FEM1C: variants seen among roughly 807,000 people sequenced by gnomAD.
The protein encoded by FEM1C is protein fem-1 homolog C.
FEM1C carries 15 observed loss-of-function variants against 37.6 expected under a neutral mutation model. That is an observed-to-expected ratio of 0.40 (90% CI 0.27 to 0.61). FEM1C has a LOEUF of 0.61. FEM1C is among the 20% of genes least tolerant of loss of function. FEM1C has a pLI of 0.42. For synonymous variants in FEM1C, 287 were observed against 272.8 expected (o/e 1.05, Z -0.51); for missense variants, 532 against 749.7 (o/e 0.71, Z 3.39).
Position 115,521,045 on chromosome 5 carries a change from G to A in FEM1C, c.*3263C>T. 1 of 147,724 alleles carries A rather than the reference G, an allele frequency of 6.8e-6. No individual in the cohort carries two copies. 9.2% of individuals were successfully genotyped at this position (147,724 alleles called of 1,614,324 possible). ...ATACACAATGGGAACTGACAAAAGGGAGAGAAACTAGTTGTTTAGTGACAC... is the reference window on the plus strand; with the variant it reads ...ATACACAATGGGAACTGACAAAAGGAAGAGAAACTAGTTGTTTAGTGACAC... On this transcript the variant is annotated 3_prime_UTR_variant, in exon 3 of 3. Coordinates refer to ENST00000274457, the MANE Select transcript of FEM1C (RefSeq NM_020177.3).
chr5:115,524,875 AGTTT>A lies in FEM1C; in HGVS notation c.1283_1286del (p.Gln428LeufsTer10), dbSNP rs755455847. On this transcript the variant is annotated frameshift_variant, in exon 3 of 3. Coordinates refer to ENST00000274457, the MANE Select transcript of FEM1C (RefSeq NM_020177.3). LOFTEE classifies it high-confidence loss of function. ...ACTGTAATGGGTCAGCTGGACACTGAGTTTGTTTGATAGCTCGCTCTATTTCAAG... is the reference window on the plus strand; with the variant it reads ...ACTGTAATGGGTCAGCTGGACACTGAGTTTGATAGCTCGCTCTATTTCAAG... 2 of 1,613,724 alleles carry A rather than the reference AGTTT, an allele frequency of 1.2e-6. No homozygotes were observed. The highest frequency in any genetic ancestry group is 2.2e-5 in the East Asian group (1 of 44,858).
At chr5:115,537,382 A>G (rs1754150974) in intron 2 of FEM1C, among the ~76,000 whole-genome samples, 2 of 152,080 alleles carry the variant, frequency 1.3e-5, no homozygotes, top group Non-Finnish European at 1.5e-5. Flanking sequence ...TGCCACGAAC[A>G]ATATGAACAG....
In FEM1C at chr5:115,524,532, T is replaced by C. The variant is rs751269380; in HGVS notation, c.1630A>G (p.Met544Val). ...IAALNNHPDI[M>V]NLLIKSGAHF... ...GCACCTGATTTAATAAGGAGATTCA[T>C]GATGTCTGGATGGTTGTTAAGAGCA... The change falls in exon 3 of 3, where the codon ATG (methionine) becomes GTG (valine). Residue 544 changes from methionine (M) to valine (V), a missense_variant. Met to Val is a conservative substitution (Grantham distance 21). Transcript: ENST00000274457. 8.1e-6 allele frequency: 13 copies of C among 1,613,432 alleles called. No individual in the cohort carries two copies. The highest frequency in any genetic ancestry group is 1.7e-5 in the Admixed American group (1 of 59,926).
In FEM1C at chr5:115,524,245, G is replaced by A. The variant is rs1753835106; in HGVS notation, c.*63C>T. 1.5e-6 allele frequency: 2 copies of A among 1,312,574 alleles called. No homozygotes were observed. The highest frequency in any genetic ancestry group is 2.2e-6 in the Non-Finnish European group (2 of 916,756). 81.3% of individuals were successfully genotyped at this position (1,312,574 alleles called of 1,614,324 possible). On this transcript the variant is annotated 3_prime_UTR_variant, in exon 3 of 3. Coordinates refer to ENST00000274457, the MANE Select transcript of FEM1C (RefSeq NM_020177.3). ...TGAATGCTGGTGTTATCACAACAGTGCTCATTTATGAAACAACTGTTACCA... is the reference window on the plus strand; with the variant it reads ...TGAATGCTGGTGTTATCACAACAGTACTCATTTATGAAACAACTGTTACCA...
intron 2 of FEM1C, among the ~76,000 whole-genome samples, chr5:115,540,595 T>A (rs575578374): frequency 1.1e-4 from 17 of 152,182 alleles, no homozygotes; most frequent in African/African-American, 3.1e-4. Context: ...GGAACATTGT[T>A]TTGAAAGAGC....
rs1312471145 is a variant in FEM1C at position 115,523,573 on chromosome 5, G to C, written c.*735C>G. 1.3e-5 allele frequency: 2 copies of C among 152,418 alleles called. No individual in the cohort carries two copies. Among genetic ancestry groups the C allele is most frequent in the Non-Finnish European group, 2.9e-5 (2 of 67,986 alleles). 9.4% of individuals were successfully genotyped at this position (152,418 alleles called of 1,614,324 possible). ...CAGTGGATTAGAGAAAGAAACCTCA[G>C]ATGTGAAGAAAGTGAAGAAAAAAAC... On this transcript the variant is annotated 3_prime_UTR_variant, in exon 3 of 3. Coordinates refer to ENST00000274457, the MANE Select transcript of FEM1C (RefSeq NM_020177.3).
intron 2 of FEM1C, among the ~76,000 whole-genome samples, chr5:115,538,524 C>T (rs748330480): frequency 8.6e-5 from 13 of 152,024 alleles, no homozygotes; most frequent in Non-Finnish European, 1.2e-4. Flanking sequence ...GGTAAAAACA[C>T]TAGGTCTTTA....
chr5:115,525,062 A>G lies in FEM1C; in HGVS notation c.1100T>C (p.Met367Thr). The G allele has an allele frequency of 6.2e-7, 1 of 1,613,802 alleles. No individual in the cohort carries two copies. Among genetic ancestry groups the G allele is most frequent in the Non-Finnish European group, 8.5e-7 (1 of 1,179,828 alleles). ...CINLWKYALDMQQSNLDPLSP... is the reference protein window; with the variant it reads ...CINLWKYALDTQQSNLDPLSP... ...TAAAGGATCCAAATTGCTCTGCTGC[A>G]TATCCAAAGCATACTTCCATAGGTT... The change falls in exon 3 of 3, where the codon ATG becomes ACG. Residue 367 changes from methionine to threonine, a missense_variant. Met to Thr is a moderately conservative substitution (Grantham distance 81). Around this residue, in one of 3 missense-constraint regions of FEM1C, gnomAD observed 221 missense variants for 404.1 expected, o/e 0.55. Coordinates refer to ENST00000274457, the MANE Select transcript of FEM1C (RefSeq NM_020177.3).
intron 2 of FEM1C, among the ~76,000 whole-genome samples, chr5:115,540,827 T>C (rs1048539914): frequency 2.0e-5 from 3 of 152,076 alleles, no homozygotes; most frequent in African/African-American, 7.2e-5. Flanking sequence ...ATCAATAATA[T>C]CTACATCAAG....
chr5:115,539,218 G>T (rs2127174524), intron 2 of FEM1C, among the ~76,000 whole-genome samples: 1 of 152,124 alleles, frequency 6.6e-6, no homozygotes, highest in Non-Finnish European at 1.5e-5. Context: ...TTTTCTATTG[G>T]TCTGTAGTAC....
Position 115,542,235 on chromosome 5 carries a change from C to T in FEM1C, c.544+715G>A, listed in dbSNP as rs115082523. Among the ~76,000 whole-genome samples the T allele has an allele frequency of 4.5e-3, 688 of 152,194 alleles. 9 individuals carry two copies. Among genetic ancestry groups the T allele is most frequent in the African/African-American group, 0.015 (643 of 41,542 alleles). On this transcript the variant is annotated intron_variant, in intron 2 of 2. Transcript: ENST00000274457. ...ATTATACACAATCAAAAACCGGAGC[C>T]CTTCTTCTGGACAAAGGTGTTTACA...
chr5:115,528,322 C>T (rs1173329467), intron 2 of FEM1C, among the ~76,000 whole-genome samples: 2 of 152,098 alleles, frequency 1.3e-5, no homozygotes, highest in Non-Finnish European at 2.9e-5. Flanking sequence ...GAATTTGAGG[C>T]AGCTTTCCCA....
At chr5:115,527,206 C>A (rs1342542456) in intron 2 of FEM1C, among the ~76,000 whole-genome samples, 2 of 152,102 alleles carry the variant, frequency 1.3e-5, no homozygotes, top group African/African-American at 4.8e-5. Context: ...TGGTGAGTTA[C>A]TTCCAAATTT....
intron 2 of FEM1C, among the ~76,000 whole-genome samples, chr5:115,533,158 G>A (rs1419158372): frequency 6.6e-6 from 1 of 151,836 alleles, no homozygotes; most frequent in Non-Finnish European, 1.5e-5. Flanking sequence ...ATTGTTTAAA[G>A]TTCCACTTTA....
rs557432415 is a variant in FEM1C at position 115,540,281 on chromosome 5, G to A, written c.544+2669C>T. On this transcript the variant is annotated intron_variant, in intron 2 of 2. Transcript: ENST00000274457. ...GATCAGAGTGGAGGAGGATGAACAT[G>A]TACTTTAATCTGCCCCCAACATTCA... Among the ~76,000 whole-genome samples, 17 of 152,140 alleles carry A rather than the reference G, an allele frequency of 1.1e-4. No homozygotes were observed. In the South Asian group the frequency reaches 2.7e-3, roughly 24 times the overall value.
chr5:115,542,185 T>C (rs1754255853), intron 2 of FEM1C, among the ~76,000 whole-genome samples: 1 of 152,206 alleles, frequency 6.6e-6, no homozygotes. Flanking sequence ...TTTTTGCTGC[T>C]TTTAGTTTAT....
At chr5:115,537,524 TA>T (rs760492394) in intron 2 of FEM1C, among the ~76,000 whole-genome samples, 13 of 152,136 alleles carry the variant, frequency 8.5e-5, no homozygotes, top group South Asian at 4.1e-4. Flanking sequence ...GCACACCATC[TA>T]CAGCTTAGTT....
chr5:115,524,890 T>G lies in FEM1C; in HGVS notation c.1272A>C (p.Arg424=). ...ILCKSVLEIE[R]AIKQTQCPAD... ...CTGGACACTGAGTTTGTTTGATAGC[T>G]CGCTCTATTTCAAGGACGCTTTTGC... is the stretch of plus-strand genomic sequence containing the variant. Residue 424 remains arginine, a synonymous_variant, in exon 3 of 3, where the codon CGA becomes CGC. Transcript: ENST00000274457. 1.9e-6 allele frequency: 3 copies of G among 1,613,792 alleles called. No individual in the cohort carries two copies. The highest frequency in any genetic ancestry group is 2.5e-6 in the Non-Finnish European group (3 of 1,179,824).
At chr5:115,527,214 T>C (rs1245555524) in intron 2 of FEM1C, among the ~76,000 whole-genome samples, 1 of 152,124 alleles carries the variant, frequency 6.6e-6, no homozygotes, top group Admixed American at 6.6e-5. Flanking sequence ...TACTTCCAAA[T>C]TTGGGGGTGG....
Sources: gnomAD v4.1 joint callset for allele counts (sites outside exome capture counted in the v4.1 genomes callset) on GRCh38, gnomAD v4.1.1 for gene constraint, gnomAD v4.1.1 regional missense constraint, MANE v1.5 for transcripts, NCBI Gene and HGNC (gene_info 2026-07-23, HGNC 2026-07-21) for gene names.